Variants in RAB22A observed in about 807,000 individuals in gnomAD.
RAB22A encodes RAB22A, member RAS oncogene family, also known as ras-related protein Rab-22A.
RAB22A carries 13 observed loss-of-function variants against 30.2 expected under a neutral mutation model. The ratio of observed to expected loss-of-function variants is 0.43; its 90% CI spans 0.28 to 0.68. The LOEUF (loss-of-function observed/expected upper bound fraction) is 0.68. Ranked by LOEUF, RAB22A falls within the 30% of genes least tolerant of loss-of-function variation. The probability of loss-of-function intolerance (pLI) is 0.18; values close to 1 mark genes in which losing one functional copy is unlikely to be tolerated. For synonymous variants in RAB22A, 89 were observed against 87.2 expected, an observed-to-expected ratio of 1.02 and a Z score of -0.11; for missense variants, 177 against 246.8, an observed-to-expected ratio of 0.72 and a Z score of 1.89.
In RAB22A at chr20:58,321,882, C is replaced by T. The variant is rs1248196495; in HGVS notation, c.116+10760C>T. Reference sequence around the variant, plus strand: ...GTGGTGCAGTCACAGCTCACTGCAGCCTCAACTTCCCAGACTCAAGTGATC... The same window carrying T: ...GTGGTGCAGTCACAGCTCACTGCAGTCTCAACTTCCCAGACTCAAGTGATC... On this transcript the variant is annotated intron_variant, in intron 2 of 6. Coordinates refer to ENST00000244040, the MANE Select transcript of RAB22A (RefSeq NM_020673.3). Among the ~76,000 whole-genome samples the T allele has an allele frequency of 3.9e-5, 6 of 152,288 alleles. No homozygotes were observed. In the East Asian group the frequency reaches 9.6e-4, roughly 24 times the overall value.
At chr20:58,353,730 T>A (rs944220753) in intron 5 of RAB22A, among the ~76,000 whole-genome samples, 192 bp downstream of exon 5, 1 of 152,236 alleles carries the variant, frequency 6.6e-6, no homozygotes, top group Non-Finnish European at 1.5e-5. Context: ...ATATTATGTA[T>A]ACAGACAGGT....
chr20:58,360,848 A>G lies in RAB22A; in HGVS notation c.*1145A>G, dbSNP rs1987213868. On this transcript the variant is annotated 3_prime_UTR_variant, in exon 7 of 7. Coordinates refer to ENST00000244040, the MANE Select transcript of RAB22A (RefSeq NM_020673.3). ...CACCAGATCCCATCTGGAAATCATA[A>G]TAAAGACATATGCCACTTTGACAAA... The G allele has an allele frequency of 6.6e-6, 1 of 152,624 alleles. No homozygotes were observed. The highest frequency in any genetic ancestry group is 1.5e-5 in the Non-Finnish European group (1 of 68,044). 9.5% of individuals were successfully genotyped at this position (152,624 alleles called of 1,614,324 possible).
At chr20:58,327,404 AG>A (rs1986586765) in intron 2 of RAB22A, among the ~76,000 whole-genome samples, 1 of 152,240 alleles carries the variant, frequency 6.6e-6, no homozygotes, top group South Asian at 2.1e-4. Flanking sequence ...AGTTATCTGA[AG>A]GATCCTCTTC....
At chr20:58,346,472 T>A (rs1355894426) in intron 3 of RAB22A, among the ~76,000 whole-genome samples, 2 of 152,172 alleles carry the variant, frequency 1.3e-5, no homozygotes, top group Non-Finnish European at 2.9e-5. Flanking sequence ...TCACCAAAAC[T>A]CTCTGTTCCC....
intron 2 of RAB22A, among the ~76,000 whole-genome samples, chr20:58,312,482 T>C (rs1986248751): frequency 1.0e-5 from 1 of 95,632 alleles, no homozygotes; most frequent in Admixed American, 1.0e-4. Flanking sequence ...CTTTTTTTTT[T>C]TTTTTTTTTT....
chr20:58,315,188 C>T (rs1986310917), intron 2 of RAB22A, among the ~76,000 whole-genome samples: 1 of 152,168 alleles, frequency 6.6e-6, no homozygotes, highest in Non-Finnish European at 1.5e-5. Context: ...CATAACCGTG[C>T]TTTCTCACTG....
At position 58,361,371 on chromosome 20, in the gene RAB22A, C is replaced by T. The variant is rs908914670; in HGVS notation, c.*1668C>T. On this transcript the variant is annotated 3_prime_UTR_variant, in exon 7 of 7. Coordinates refer to ENST00000244040, the MANE Select transcript of RAB22A (RefSeq NM_020673.3). ...ATTATAATTCAGATTAAATAAAAAA[C>T]AATTCCCTTTTCCCTGTTGTATATC... is the stretch of plus-strand genomic sequence containing the variant. 1.3e-5 allele frequency: 2 copies of T among 152,314 alleles called. No homozygotes were observed. Among genetic ancestry groups the T allele is most frequent in the Non-Finnish European group, 2.9e-5 (2 of 67,984 alleles). The allele number at this position is 152,314 out of a possible 1,614,324, so 9.4% of individuals were successfully genotyped here.
At chr20:58,358,094 T>C (rs1184651250) in intron 6 of RAB22A, among the ~76,000 whole-genome samples, 1 of 152,194 alleles carries the variant, frequency 6.6e-6, no homozygotes, top group African/African-American at 2.4e-5. Context: ...TGATTGATTG[T>C]AGTGTCTGGG....
intron 3 of RAB22A, among the ~76,000 whole-genome samples, chr20:58,353,055 A>G (rs1441604924): frequency 2.0e-5 from 3 of 152,256 alleles, no homozygotes; most frequent in African/African-American, 4.8e-5. Flanking sequence ...ATTCCTATAA[A>G]ACTGTATTCT....
intron 2 of RAB22A, among the ~76,000 whole-genome samples, chr20:58,337,596 G>T (rs543624608): frequency 1.3e-5 from 2 of 152,144 alleles, no homozygotes; most frequent in African/African-American, 4.8e-5. Context: ...AGTACCCCCA[G>T]TGTAAGCCAC....
chr20:58,326,310 A>G (rs1277399519), intron 2 of RAB22A, among the ~76,000 whole-genome samples: 1 of 152,214 alleles, frequency 6.6e-6, no homozygotes, highest in Non-Finnish European at 1.5e-5. Flanking sequence ...CATACTCTCC[A>G]TAAGCACCAC....
At chr20:58,316,979 T>C (rs1194552412) in intron 2 of RAB22A, among the ~76,000 whole-genome samples, 4 of 152,220 alleles carry the variant, frequency 2.6e-5, no homozygotes, top group African/African-American at 9.6e-5. Flanking sequence ...CCTTCTCTAT[T>C]GCTGTTATAT....
chr20:58,341,703 CAAT>C lies in RAB22A; in HGVS notation c.117-2009_117-2007del, dbSNP rs1044588373. ...CTGCCATTTTGTCTTTTATCTGACTCAATAATAAGTCAGTAATAAGTAATGTTT... is the reference window on the plus strand; with the variant it reads ...CTGCCATTTTGTCTTTTATCTGACTCAATAAGTCAGTAATAAGTAATGTTT... On this transcript the variant is annotated intron_variant, in intron 2 of 6. Coordinates refer to ENST00000244040, the MANE Select transcript of RAB22A (RefSeq NM_020673.3). Among the ~76,000 whole-genome samples, 5 of 152,194 alleles carry C rather than the reference CAAT, an allele frequency of 3.3e-5. No individual in the cohort carries two copies. In the East Asian group the frequency reaches 9.6e-4, roughly 29 times the overall value.
chr20:58,354,303 A>G (rs1987100237), intron 6 of RAB22A, 38 bp downstream of exon 6: 4 of 1,422,768 alleles, frequency 2.8e-6, no homozygotes, highest in Non-Finnish European at 3.9e-6. Flanking sequence ...CCTCTGTAAA[A>G]GCCGCTTAAC....
At chr20:58,313,556 G>T (rs965364282) in intron 2 of RAB22A, among the ~76,000 whole-genome samples, 2 of 152,114 alleles carry the variant, frequency 1.3e-5, no homozygotes, top group African/African-American at 4.8e-5. Context: ...TGAAAGAGAA[G>T]TTACCACTTC....
intron 2 of RAB22A, among the ~76,000 whole-genome samples, chr20:58,329,706 T>A (rs1214978970): frequency 6.6e-6 from 1 of 152,242 alleles, no homozygotes; most frequent in Non-Finnish European, 1.5e-5. Context: ...GGTCCTCTTA[T>A]GGGATTCCAA....
intron 3 of RAB22A, among the ~76,000 whole-genome samples, chr20:58,351,410 T>C (rs1245651013): frequency 6.6e-6 from 1 of 151,792 alleles, no homozygotes; most frequent in Non-Finnish European, 1.5e-5. Context: ...TACAAGCAAG[T>C]ACAGTTCAAA....
intron 2 of RAB22A, among the ~76,000 whole-genome samples, chr20:58,315,427 G>A (rs898384704): frequency 6.6e-6 from 1 of 152,120 alleles, no homozygotes; most frequent in African/African-American, 2.4e-5. Flanking sequence ...CTTCCCTAAG[G>A]GCTCGCCTGT....
chr20:58,342,179 C>T (rs1986866139), intron 2 of RAB22A, among the ~76,000 whole-genome samples: 1 of 152,192 alleles, frequency 6.6e-6, no homozygotes, highest in African/African-American at 2.4e-5. Flanking sequence ...CTGATTTAAT[C>T]ATAGTGAGTC....
Sources: gnomAD v4.1 joint callset for allele counts (sites outside exome capture counted in the v4.1 genomes callset) on GRCh38, gnomAD v4.1.1 for gene constraint, MANE v1.5 for transcripts, NCBI Gene and HGNC (gene_info 2026-07-23, HGNC 2026-07-21) for gene names.